KAT2B: variants seen among roughly 807,000 people sequenced by gnomAD.
The protein encoded by KAT2B is lysine acetyltransferase 2B, also known as histone acetyltransferase KAT2B.
In KAT2B, 36 loss-of-function variants were observed where a neutral mutation model predicts 105.9. The observed-to-expected ratio is 0.34, with a 90% CI of 0.26 to 0.45. The LOEUF is 0.45. Ranked by LOEUF, KAT2B falls within the 20% of genes least tolerant of loss-of-function variation. The probability of loss-of-function intolerance (pLI) is 1.00; values close to 1 mark genes in which losing one functional copy is unlikely to be tolerated. For missense variants in KAT2B, 820 were observed against 1,021.6 expected, an observed-to-expected ratio of 0.80 and a Z score of 2.69; for synonymous variants, 397 against 377.9, an observed-to-expected ratio of 1.05 and a Z score of -0.59.
At chr3:20,108,935 T>C (rs1699071135) in intron 5 of KAT2B, among the ~76,000 whole-genome samples, 1 of 152,150 alleles carries the variant, frequency 6.6e-6, no homozygotes. Flanking sequence ...CCATCCCTTC[T>C]ACCCCCAGCC....
chr3:20,126,743 AC>A (rs1699411018), intron 10 of KAT2B, among the ~76,000 whole-genome samples: 1 of 143,344 alleles, frequency 7.0e-6, no homozygotes, highest in South Asian at 2.3e-4. Context: ...AATTGCTTGA[AC>A]CCAGGAGGCG....
At chr3:20,085,544 G>C (rs1190516793) in intron 2 of KAT2B, among the ~76,000 whole-genome samples, 1 of 139,042 alleles carries the variant, frequency 7.2e-6, no homozygotes, top group African/African-American at 2.7e-5. Context: ...GCAGAGTCTT[G>C]CTGTCTCCCA....
chr3:20,058,453 CAAAAAAAAAAAAA>C lies in KAT2B; in HGVS notation c.304-13870_304-13858del, dbSNP rs35239760. 8.9e-3 allele frequency among the ~76,000 whole-genome samples: 664 copies of C among 74,562 alleles called. 5 individuals are homozygous for C. The highest frequency in any genetic ancestry group is 0.014 in the South Asian group (24 of 1,756). 48.9% of individuals were successfully genotyped at this position (74,562 alleles called of 152,430 possible). A position where few individuals can be genotyped will look rare whatever the true frequency, so the allele number is the denominator to read the frequency against. Reference sequence around the variant, plus strand: ...CTGGGCAACGAGCGAGACTCTGTCTCAAAAAAAAAAAAAAAAAAAAAAGGTTTTCAGAGATGCT... The same window carrying C: ...CTGGGCAACGAGCGAGACTCTGTCTCAAAAAAAAAGGTTTTCAGAGATGCT... On this transcript the variant is annotated intron_variant, in intron 1 of 17. Transcript: ENST00000263754.
chr3:20,126,088 T>C lies in KAT2B; in HGVS notation c.1597T>C (p.Tyr533His). ...SHQLPRMPKE[Y>H]ITRLVFDPKH... ...CCAGCTGCCCCGAATGCCAAAAGAA[T>C]ACATCACACGGCTCGTCTTTGACCC... Residue 533 changes from tyrosine to histidine, a missense_variant, in exon 10 of 18, where the codon TAC becomes CAC. By Grantham distance (83) the Tyr-to-His change is moderately conservative. Around this residue, in one of 6 missense-constraint regions of KAT2B, gnomAD observed 225 missense variants for 268.1 expected, o/e 0.84. Transcript: ENST00000263754. 9 of 1,610,128 alleles carry C rather than the reference T, an allele frequency of 5.6e-6. No individual in the cohort carries two copies. The highest frequency in any genetic ancestry group is 7.6e-6 in the Non-Finnish European group (9 of 1,177,926).
At chr3:20,114,090 T>C (rs1009372523) in intron 6 of KAT2B, among the ~76,000 whole-genome samples, 8 of 152,280 alleles carry the variant, frequency 5.3e-5, no homozygotes, top group African/African-American at 1.4e-4. Context: ...TTTTTTCTCT[T>C]TTAATTTTTT....
intron 11 of KAT2B, among the ~76,000 whole-genome samples, chr3:20,131,408 C>T (rs1355911477): frequency 2.0e-5 from 3 of 151,984 alleles, no homozygotes; most frequent in African/African-American, 4.8e-5. Context: ...TTTTCACTGG[C>T]GTATAGTCTA....
At chr3:20,047,396 A>G (rs1430429726) in intron 1 of KAT2B, among the ~76,000 whole-genome samples, 1 of 151,850 alleles carries the variant, frequency 6.6e-6, no homozygotes, top group African/African-American at 2.4e-5. Context: ...TAATATGAAT[A>G]TGACTAACAC....
chr3:20,047,830 G>C (rs1393390151), intron 1 of KAT2B, among the ~76,000 whole-genome samples: 1 of 151,862 alleles, frequency 6.6e-6, no homozygotes, highest in Non-Finnish European at 1.5e-5. Flanking sequence ...TGGCCAGGCT[G>C]GTCTCAAACT....
In KAT2B at chr3:20,140,361, G is replaced by A. The variant is rs754025728; in HGVS notation, c.2001G>A (p.Lys667=). ...TEFSVIIKKQ[K]EIIKKLIERK... ...TTTCTGTCATCATTAAAAAGCAGAA[G>A]GAGGTAAGCAGGTGGTTGACTCCCT... Residue 667 remains lysine, a synonymous_variant, in exon 13 of 18, where the codon AAG becomes AAA. Coordinates refer to ENST00000263754, the MANE Select transcript of KAT2B (RefSeq NM_003884.5). The A allele has an allele frequency of 3.7e-6, 6 of 1,613,536 alleles. No homozygotes were observed. In the Admixed American group the frequency reaches 1.0e-4, roughly 27 times the overall value.
At chr3:20,073,065 G>A (rs1378139111) in intron 2 of KAT2B, among the ~76,000 whole-genome samples, 3 of 151,994 alleles carry the variant, frequency 2.0e-5, no homozygotes, top group Non-Finnish European at 4.4e-5. Flanking sequence ...CACTCAAAAG[G>A]CCTGTGCTAG....
intron 1 of KAT2B, among the ~76,000 whole-genome samples, chr3:20,061,978 A>G (rs1698115460): frequency 1.2e-5 from 1 of 84,612 alleles, no homozygotes; most frequent in Non-Finnish European, 2.4e-5. Flanking sequence ...TATATTATAT[A>G]TAAAACATAT....
At chr3:20,121,728 GCATA>G (rs1322227410) in intron 8 of KAT2B, among the ~76,000 whole-genome samples, 105 of 110,522 alleles carry the variant, frequency 9.5e-4, no homozygotes, top group African/African-American at 3.6e-3. Flanking sequence ...ATACACATAT[GCATA>G]TGTGTGTGTG....
chr3:20,107,739 A>G (rs1699047830), intron 5 of KAT2B, among the ~76,000 whole-genome samples: 1 of 149,812 alleles, frequency 6.7e-6, no homozygotes, highest in South Asian at 2.1e-4. Flanking sequence ...ATTATTAAGG[A>G]TGTATACTTA....
chr3:20,046,976 T>TAATAGAATTA (rs1293539645), intron 1 of KAT2B, among the ~76,000 whole-genome samples: 1 of 152,074 alleles, frequency 6.6e-6, no homozygotes. Flanking sequence ...GATTATCTGG[T>TAATAGAATTA]CCAAAATATT....
intron 2 of KAT2B, among the ~76,000 whole-genome samples, chr3:20,095,000 T>C (rs749100988): frequency 6.6e-6 from 1 of 152,224 alleles, no homozygotes; most frequent in Non-Finnish European, 1.5e-5. Flanking sequence ...TCTTAAAATA[T>C]ACATTATTTG....
At chr3:20,042,904 CT>C (rs560877108) in intron 1 of KAT2B, among the ~76,000 whole-genome samples, 23,737 of 145,364 alleles carry the variant, frequency 0.16, 1,917 homozygotes, top group Non-Finnish European at 0.2. Flanking sequence ...ATTTTAACGT[CT>C]TTTTTTTTTT....
intron 2 of KAT2B, among the ~76,000 whole-genome samples, chr3:20,078,394 C>T (rs1361380718): frequency 6.6e-6 from 1 of 151,978 alleles, no homozygotes; most frequent in Non-Finnish European, 1.5e-5. Flanking sequence ...AGTGTTGTCA[C>T]CTTTTTCTTT....
At chr3:20,072,233 G>T (rs757137681) in intron 1 of KAT2B, 100 bp from the exon 2 acceptor site, 6 of 1,231,532 alleles carry the variant, frequency 4.9e-6, no homozygotes, top group Non-Finnish European at 7.1e-6. Flanking sequence ...GGGGTGAGGG[G>T]ATAGCTGTCA....
At chr3:20,084,019 TA>T (rs1277665764) in intron 2 of KAT2B, among the ~76,000 whole-genome samples, 1 of 152,194 alleles carries the variant, frequency 6.6e-6, no homozygotes, top group Non-Finnish European at 1.5e-5. Flanking sequence ...AGTTCAGCGC[TA>T]CTTCCTCAGA....
Sources: allele counts gnomAD v4.1 joint callset (sites outside exome capture counted in the v4.1 genomes callset), GRCh38; gene constraint gnomAD v4.1.1; regional missense constraint gnomAD v4.1.1; transcripts MANE v1.5; gene names NCBI Gene and HGNC (gene_info 2026-07-23, HGNC 2026-07-21).